ABTB3: variants seen among roughly 807,000 people sequenced by gnomAD.
ABTB3 encodes ankyrin repeat and BTB domain containing 3, also known as ankyrin repeat- and BTB/POZ domain-containing protein 3.
chr12:107,515,016 G>A, the ABTB3 span, among the ~76,000 whole-genome samples: 9 of 152,062 alleles, frequency 5.9e-5, no homozygotes, highest in African/African-American at 9.7e-5. Flanking sequence ...ATCTCATTTC[G>A]CTCTCATACC....
At chr12:107,433,636 G>T in the ABTB3 span, among the ~76,000 whole-genome samples, 1 of 152,188 alleles carries the variant, frequency 6.6e-6, no homozygotes, top group African/African-American at 2.4e-5. Flanking sequence ...TCTTAGGTTG[G>T]TTTTGCCCCA....
chr12:107,497,620 C>T, the ABTB3 span, among the ~76,000 whole-genome samples: 1 of 152,130 alleles, frequency 6.6e-6, no homozygotes, highest in Admixed American at 6.6e-5. Flanking sequence ...CTGCACAGAA[C>T]CTGACACTAA....
the ABTB3 span, among the ~76,000 whole-genome samples, chr12:107,464,684 A>T: frequency 6.6e-6 from 1 of 152,174 alleles, no homozygotes; most frequent in African/African-American, 2.4e-5. Context: ...AAGAGCACTC[A>T]GGTAGAGGGA....
At chr12:107,646,551 G>A in the ABTB3 span, among the ~76,000 whole-genome samples, 5 of 152,192 alleles carry the variant, frequency 3.3e-5, no homozygotes, top group Non-Finnish European at 4.4e-5. Context: ...CATCAGGGTG[G>A]GAGAGGGGAG....
chr12:107,548,913 T>C, the ABTB3 span, among the ~76,000 whole-genome samples: 11 of 152,160 alleles, frequency 7.2e-5, no homozygotes, highest in African/African-American at 2.4e-4. Context: ...GTAGGATAAA[T>C]GGGAGTATTT....
the ABTB3 span, among the ~76,000 whole-genome samples, chr12:107,337,664 C>T: frequency 6.6e-6 from 1 of 152,206 alleles, no homozygotes; most frequent in East Asian, 1.9e-4. Context: ...CCACCTGGCT[C>T]ATCATCACCA....
At chr12:107,651,207 A>T in the ABTB3 span, among the ~76,000 whole-genome samples, 3 of 152,138 alleles carry the variant, frequency 2.0e-5, no homozygotes, top group African/African-American at 7.2e-5. Flanking sequence ...GGCAGACATG[A>T]CGTCACATCT....
At chr12:107,503,280 A>G in the ABTB3 span, among the ~76,000 whole-genome samples, 3 of 152,234 alleles carry the variant, frequency 2.0e-5, no homozygotes, top group Admixed American at 1.3e-4. Context: ...GGCCCAGAGT[A>G]TGACAGCCCC....
chr12:107,644,639 C>T, the ABTB3 span, among the ~76,000 whole-genome samples: 1 of 152,150 alleles, frequency 6.6e-6, no homozygotes, highest in Non-Finnish European at 1.5e-5. Context: ...GTTTCAGGGG[C>T]ACACGCGCAA....
the ABTB3 span, among the ~76,000 whole-genome samples, chr12:107,414,716 C>CTTTTTTTTTTTTTTTTTTTTTTTTTT: frequency 6.9e-6 from 1 of 144,720 alleles, no homozygotes. Flanking sequence ...CTTTTCTTTT[C>CTTTTTTTTTTTTTTTTTTTTTTTTTT]TTTTTCTTTT....
chr12:107,456,398 A>G, the ABTB3 span, among the ~76,000 whole-genome samples: 1 of 152,250 alleles, frequency 6.6e-6, no homozygotes, highest in African/African-American at 2.4e-5. Context: ...AAGCGGCAGC[A>G]TTAGATTCTC....
the ABTB3 span, among the ~76,000 whole-genome samples, chr12:107,404,162 C>CAAAA: frequency 2.2e-4 from 9 of 40,244 alleles, no homozygotes; most frequent in African/African-American, 3.2e-4. Flanking sequence ...GACTCTAACT[C>CAAAA]AAAAAAAAAA....
At chr12:107,540,819 A>G in the ABTB3 span, among the ~76,000 whole-genome samples, 16 of 152,062 alleles carry the variant, frequency 1.1e-4, no homozygotes, top group East Asian at 2.9e-3. Context: ...CTCCATCTCC[A>G]CTACAAAAAA....
At chr12:107,553,558 G>A in the ABTB3 span, among the ~76,000 whole-genome samples, 1 of 152,196 alleles carries the variant, frequency 6.6e-6, no homozygotes, top group Non-Finnish European at 1.5e-5. Flanking sequence ...TTGTCCAGAA[G>A]AGGCTTTGGA....
At chr12:107,543,187 T>G in the ABTB3 span, among the ~76,000 whole-genome samples, 1 of 151,180 alleles carries the variant, frequency 6.6e-6, no homozygotes, top group Non-Finnish European at 1.5e-5. Flanking sequence ...ATTACGAAAA[T>G]TAACCGGTTG....
chr12:107,356,183 C>T, the ABTB3 span, among the ~76,000 whole-genome samples: 11 of 152,204 alleles, frequency 7.2e-5, no homozygotes, highest in South Asian at 2.1e-4. Context: ...GCGTGATATA[C>T]GGGGATTTGC....
the ABTB3 span, among the ~76,000 whole-genome samples, chr12:107,589,152 C>A: frequency 1.3e-5 from 2 of 152,196 alleles, no homozygotes; most frequent in Non-Finnish European, 2.9e-5. Flanking sequence ...CCATTTAGAA[C>A]AATACTTGTG....
the ABTB3 span, among the ~76,000 whole-genome samples, chr12:107,487,300 G>A: frequency 1.3e-5 from 2 of 152,288 alleles, no homozygotes; most frequent in South Asian, 4.1e-4. Context: ...AAGGGAGGAA[G>A]TTTTCTGAAA....
the ABTB3 span, among the ~76,000 whole-genome samples, chr12:107,464,420 C>T: frequency 6.6e-6 from 1 of 152,166 alleles, no homozygotes; most frequent in Non-Finnish European, 1.5e-5. Flanking sequence ...AAGTGATCCT[C>T]CTGCCTCAAC....
Sources: gnomAD v4.1 joint callset for allele counts (sites outside exome capture counted in the v4.1 genomes callset) on GRCh38, gnomAD v4.1.1 for gene constraint, MANE v1.5 for transcripts, NCBI Gene and HGNC (gene_info 2026-07-23, HGNC 2026-07-21) for gene names.